REL: variants seen among roughly 807,000 people sequenced by gnomAD.
REL encodes REL proto-oncogene, NF-kB subunit, also known as proto-oncogene c-Rel.
A neutral mutation model predicts 45.9 loss-of-function variants in REL; 15 were observed. That is an observed-to-expected ratio of 0.33 (90% confidence interval 0.22 to 0.50). REL has a LOEUF of 0.50. REL is among the 20% of genes least tolerant of loss of function. The probability of loss-of-function intolerance (pLI) is 0.98; values close to 1 mark genes in which losing one functional copy is unlikely to be tolerated. For synonymous variants in REL, 239 were observed against 242.1 expected (o/e 0.99, Z 0.12); for missense variants, 601 against 715.2 (o/e 0.84, Z 1.82).
rs1674157298 is a variant in REL, at chr2:60,922,066, A to C, written c.1295A>C (p.Asn432Thr). 6.2e-7 allele frequency: 1 copy of C among 1,614,060 alleles called. No homozygotes were observed. The highest frequency in any genetic ancestry group is 1.7e-5 in the Admixed American group (1 of 60,004). The stretch of plus-strand genomic sequence containing the variant: ...AATGCTTCTAATGCTTGCATTTACA[A>C]CAATGCCGATGACATAGTCGGAATG... Reference protein sequence around the residue: ...DLNASNACIYNNADDIVGMEA... With the variant: ...DLNASNACIYTNADDIVGMEA... The change falls in exon 10 of 10, where the codon AAC becomes ACC. Residue 432 changes from asparagine (N) to threonine (T), a missense_variant. Physicochemically the swap from Asn to Thr is moderately conservative, Grantham distance 65. Around this residue, in one of 4 missense-constraint regions of REL, gnomAD observed 334 missense variants for 333.1 expected, o/e 1.00. Transcript: ENST00000394479.
At chr2:60,900,710 A>G (rs1673470565) in intron 3 of REL, 2 of 297,864 alleles carry the variant, frequency 6.7e-6, no homozygotes, top group South Asian at 4.2e-5. Flanking sequence ...TTTAGTAGAG[A>G]CGGGGTTTCT....
chr2:60,900,480 T>A (rs997926155), intron 3 of REL: 6 of 153,182 alleles, frequency 3.9e-5, no homozygotes, highest in African/African-American at 1.4e-4. Flanking sequence ...AATGATATAG[T>A]ATATATTATT....
Position 60,931,132 on chromosome 2 carries a change from G to A in REL, c.*8597G>A, listed in dbSNP as rs2104005980. 1 of 152,418 alleles carries A rather than the reference G, an allele frequency of 6.6e-6. No homozygotes were observed. Among genetic ancestry groups the A allele is most frequent in the South Asian group, 2.1e-4 (1 of 4,824 alleles). The allele number at this position is 152,418 out of a possible 1,614,324, so 9.4% of individuals were successfully genotyped here. On this transcript the variant is annotated 3_prime_UTR_variant, in exon 10 of 10. Coordinates refer to ENST00000394479, the MANE Select transcript of REL (RefSeq NM_001291746.2). ...AACTGAATTTAATGAGACTTCATTG[G>A]TGATACACTCAATTTTTACTGGGTA...
At chr2:60,908,497 G>A (rs886972305) in intron 4 of REL, among the ~76,000 whole-genome samples, 1 of 152,110 alleles carries the variant, frequency 6.6e-6, no homozygotes, top group Non-Finnish European at 1.5e-5. Context: ...GTCTAAATTG[G>A]GTGAGGAATT....
chr2:60,883,844 C>CTT (rs71402307), intron 1 of REL, among the ~76,000 whole-genome samples: 1,802 of 126,470 alleles, frequency 0.014, 20 homozygotes, highest in Non-Finnish European at 0.022. Context: ...GGGTGATTAA[C>CTT]TTTTTTTTTT....
chr2:60,911,541 A>C (rs1254183222), intron 4 of REL: 1 of 152,224 alleles, frequency 6.6e-6, no homozygotes, highest in Non-Finnish European at 1.5e-5. Context: ...ACTGGAAAAC[A>C]TCATTAAAAC....
chr2:60,891,706 A>T lies in REL; in HGVS notation c.34A>T (p.Ile12Leu). The change falls in exon 2 of 10, where the codon ATA becomes TTA. Residue 12 changes from isoleucine (I) to leucine (L), a missense_variant. Ile to Leu is a conservative substitution (Grantham distance 5). Transcript: ENST00000394479. The part of the protein sequence containing the change: ...ASGAYNPYIE[I>L]IEQPRQRGMR... ...AGGTGCGTATAACCCGTATATAGAG[A>T]TAATTGAACAACCCAGGCAGAGGGG... 1 of 1,613,874 alleles carries T rather than the reference A, an allele frequency of 6.2e-7. No individual in the cohort carries two copies. The highest frequency in any genetic ancestry group is 8.5e-7 in the Non-Finnish European group (1 of 1,179,888).
At chr2:60,902,450 A>G (rs1475793172) in intron 4 of REL, among the ~76,000 whole-genome samples, 1 of 151,928 alleles carries the variant, frequency 6.6e-6, no homozygotes, top group Non-Finnish European at 1.5e-5. Context: ...AAAAGGAATC[A>G]TGCTATATAT....
intron 4 of REL, among the ~76,000 whole-genome samples, chr2:60,909,805 G>A (rs1673761358): frequency 6.6e-6 from 1 of 152,044 alleles, no homozygotes; most frequent in African/African-American, 2.4e-5. Context: ...GGAGGCTGAG[G>A]CAGGAGGAGA....
At chr2:60,882,570 G>A (rs1672971551) in intron 1 of REL, among the ~76,000 whole-genome samples, 1 of 152,120 alleles carries the variant, frequency 6.6e-6, no homozygotes, top group Non-Finnish European at 1.5e-5. Context: ...AGCTACTCGG[G>A]AAGCTGAGGC....
intron 3 of REL, among the ~76,000 whole-genome samples, chr2:60,895,435 C>T (rs1326294716): frequency 6.6e-6 from 1 of 152,122 alleles, no homozygotes; most frequent in African/African-American, 2.4e-5. Context: ...TCCACCTTGG[C>T]CTCCCAAAGT....
chr2:60,904,959 C>T (rs1573329653), intron 4 of REL, among the ~76,000 whole-genome samples: 2 of 152,252 alleles, frequency 1.3e-5, no homozygotes, highest in South Asian at 4.1e-4. Flanking sequence ...AGGATTTGAA[C>T]ATAGGGAGCC....
Position 60,921,941 on chromosome 2 carries a change from A to G in REL, c.1170A>G (p.Ser390=). ...CAGTGGCCCACCCCACCCCACGCTC[A>G]GGCAATACAAACCCACTGAGTAGTT... ...WSSVAHPTPR[S]GNTNPLSSFS... is the part of the protein sequence containing the mutation. Residue 390 remains serine (S), a synonymous_variant, in exon 10 of 10, where the codon TCA becomes TCG. Coordinates refer to ENST00000394479, the MANE Select transcript of REL (RefSeq NM_001291746.2). 1 of 1,614,140 alleles carries G rather than the reference A, an allele frequency of 6.2e-7. No individual in the cohort carries two copies.
intron 1 of REL, among the ~76,000 whole-genome samples, chr2:60,888,390 A>G (rs1398798365): frequency 6.6e-6 from 1 of 152,190 alleles, no homozygotes; most frequent in Non-Finnish European, 1.5e-5. Flanking sequence ...CCTTTACTTC[A>G]GCCACATAAA....
chr2:60,901,934 C>G (rs1330048406), intron 4 of REL, among the ~76,000 whole-genome samples: 2 of 151,942 alleles, frequency 1.3e-5, no homozygotes, highest in African/African-American at 4.8e-5. Context: ...TACTATCTGC[C>G]TCATGCTGTA....
At chr2:60,886,688 GTGTT>G (rs1253948648) in intron 1 of REL, among the ~76,000 whole-genome samples, 1 of 152,016 alleles carries the variant, frequency 6.6e-6, no homozygotes, top group Non-Finnish European at 1.5e-5. Context: ...TAGCAATAAA[GTGTT>G]TGTTAATAAT....
intron 4 of REL, among the ~76,000 whole-genome samples, chr2:60,912,454 GTGT>G (rs1032249543): frequency 6.6e-6 from 1 of 152,046 alleles, no homozygotes; most frequent in African/African-American, 2.4e-5. Flanking sequence ...TTTTATTATG[GTGT>G]TGTTTCGCTT....
intron 3 of REL, 164 bp from the exon 4 acceptor site, chr2:60,900,828 T>C: frequency 1.6e-6 from 1 of 629,566 alleles, no homozygotes; most frequent in Non-Finnish European, 2.6e-6. Context: ...AGCCATATAA[T>C]CCCACTTCTT....
chr2:60,911,922 C>T (rs1052557158), intron 4 of REL, among the ~76,000 whole-genome samples: 3 of 144,300 alleles, frequency 2.1e-5, no homozygotes, highest in African/African-American at 2.6e-5. Context: ...CACTTGAACC[C>T]GGGAGGCGGA....
Sources: gnomAD v4.1 joint callset for allele counts (sites outside exome capture counted in the v4.1 genomes callset) on GRCh38, gnomAD v4.1.1 for gene constraint, gnomAD v4.1.1 regional missense constraint, MANE v1.5 for transcripts, NCBI Gene and HGNC (gene_info 2026-07-23, HGNC 2026-07-21) for gene names.